POLR2F: variants seen among roughly 807,000 people sequenced by gnomAD.
POLR2F encodes the protein RNA polymerase II, I and III subunit F, also known as DNA-directed RNA polymerases I, II, and III subunit RPABC2.
In POLR2F, 12 loss-of-function variants were observed where a neutral mutation model predicts 22.7. The observed-to-expected ratio is 0.53, with a 90% CI of 0.34 to 0.86. POLR2F has a LOEUF of 0.86. Ranked by LOEUF, POLR2F falls within the 40% of genes least tolerant of loss-of-function variation. The pLI, the probability that POLR2F is intolerant of heterozygous loss-of-function variation, is 0.02. For synonymous variants in POLR2F, 57 were observed against 66.0 expected, an observed-to-expected ratio of 0.86 and a Z score of 0.66; for missense variants, 126 against 171.5, an observed-to-expected ratio of 0.73 and a Z score of 1.48.
chr22:38,032,053 A>G (rs1239340023), intron 5 of POLR2F: 1 of 151,936 alleles, frequency 6.6e-6, no homozygotes, highest in Non-Finnish European at 1.5e-5. Context: ...GTTGGAGTAC[A>G]ATGGCGCGAT....
chr22:38,018,472 G>A (rs2084932832), intron 1 of POLR2F, among the ~76,000 whole-genome samples: 1 of 152,172 alleles, frequency 6.6e-6, no homozygotes, highest in South Asian at 2.1e-4. Context: ...TCGAGCTGAA[G>A]GAGGGGTCAG....
intron 2 of POLR2F, 194 bp downstream of exon 2, chr22:37,957,036 C>T: frequency 3.3e-6 from 2 of 615,044 alleles, no homozygotes; most frequent in Non-Finnish European, 5.9e-6. Flanking sequence ...AAGCTTTTGT[C>T]CATGTGGTCC....
Position 37,968,859 on chromosome 22 carries a change from C to T in POLR2F, c.*1144C>T. 1.0e-6 allele frequency: 1 copy of T among 985,550 alleles called. No homozygotes were observed. Among genetic ancestry groups the T allele is most frequent in the Non-Finnish European group, 1.2e-6 (1 of 830,050 alleles). 61.1% of individuals were successfully genotyped at this position (985,550 alleles called of 1,614,324 possible). A position where few individuals can be genotyped will look rare whatever the true frequency, so the allele number is the denominator to read the frequency against. On this transcript the variant is annotated 3_prime_UTR_variant, in exon 5 of 5. Coordinates refer to ENST00000442738, the MANE Select transcript of POLR2F (RefSeq NM_021974.5). Reference sequence around the variant, plus strand: ...GTGGGGAGTGAATGGTGAGGATCTGCATTGGTGGGAGGGGTGTCCGCTGCC... The same window carrying T: ...GTGGGGAGTGAATGGTGAGGATCTGTATTGGTGGGAGGGGTGTCCGCTGCC...
chr22:38,027,286 G>T (rs1312337699), downstream of POLR2F, among the ~76,000 whole-genome samples: 1 of 152,166 alleles, frequency 6.6e-6, no homozygotes, highest in Non-Finnish European at 1.5e-5. Flanking sequence ...TTCTAGGAAA[G>T]CACGCTGAGT....
intron 1 of POLR2F, 154 bp downstream of exon 1, chr22:37,953,961 C>A: frequency 2.3e-6 from 2 of 888,180 alleles, no homozygotes; most frequent in Non-Finnish European, 3.4e-6. Flanking sequence ...GAAGGGCGGG[C>A]GACCCAGGAG....
chr22:38,034,936 C>T (rs1428172422), intron 5 of POLR2F, among the ~76,000 whole-genome samples: 1 of 149,534 alleles, frequency 6.7e-6, no homozygotes. Flanking sequence ...ACCCCAGCCT[C>T]CCCACCCCAC....
chr22:38,019,327 A>G (rs2084940878), intron 1 of POLR2F, among the ~76,000 whole-genome samples: 1 of 152,036 alleles, frequency 6.6e-6, no homozygotes, highest in Non-Finnish European at 1.5e-5. Context: ...CCATCCCCAC[A>G]TGACTGGCAT....
At chr22:37,987,202 G>A in intron 1 of POLR2F, 2 of 456,296 alleles carry the variant, frequency 4.4e-6, no homozygotes, top group South Asian at 3.1e-5. Flanking sequence ...GTGTAATGGT[G>A]GAAATCCAGG....
At chr22:37,993,602 C>G (rs1601895029) in intron 1 of POLR2F, among the ~76,000 whole-genome samples, 1 of 152,164 alleles carries the variant, frequency 6.6e-6, no homozygotes, top group Admixed American at 6.5e-5. Context: ...TGGCCCTTGC[C>G]CCATTTACCA....
intron 1 of POLR2F, among the ~76,000 whole-genome samples, chr22:37,995,103 T>C (rs1462005481): frequency 2.6e-5 from 4 of 152,192 alleles, no homozygotes; most frequent in Non-Finnish European, 2.9e-5. Flanking sequence ...CTGTGTGATC[T>C]TGGGGAAGCC....
At chr22:37,994,384 G>A (rs548478600) in intron 1 of POLR2F, among the ~76,000 whole-genome samples, 27 of 152,334 alleles carry the variant, frequency 1.8e-4, no homozygotes, top group African/African-American at 5.8e-4. Context: ...GTCTCACTCT[G>A]TGGCCCAGGA....
chr22:38,018,926 G>A (rs2084937311), intron 1 of POLR2F, among the ~76,000 whole-genome samples: 1 of 152,184 alleles, frequency 6.6e-6, no homozygotes, highest in South Asian at 2.1e-4. Context: ...TCGGGCACAT[G>A]AAATCCCCCC....
At chr22:37,974,074 G>A (rs147334218), downstream of POLR2F, 2,504 of 1,614,022 alleles carry the variant, frequency 1.6e-3, 3 homozygotes, top group Admixed American at 2.2e-3. This position sits in a 1 kb window ranked among gnomAD's most constrained non-coding sequence, Gnocchi z 5.4. Context: ...TGTCCACGTT[G>A]CCGAAGTCGA....
downstream of POLR2F, among the ~76,000 whole-genome samples, chr22:38,029,160 T>G (rs1386948312): frequency 7.2e-5 from 11 of 151,988 alleles, no homozygotes; most frequent in Admixed American, 7.2e-4. Context: ...GCTTGCAGCT[T>G]AGGGAAGGAG....
At chr22:37,983,264 C>A (rs1932455947), upstream of POLR2F, 1 of 1,411,344 alleles carries the variant, frequency 7.1e-7, no homozygotes, top group Non-Finnish European at 9.7e-7. The surrounding 1 kb of genome is among the most constrained non-coding windows in gnomAD (Gnocchi z 9.5). Flanking sequence ...CCAGACAGTC[C>A]CGCTCTGAGG....
At chr22:37,985,168 C>T (rs1601888510), upstream of POLR2F, 1 of 152,304 alleles carries the variant, frequency 6.6e-6, no homozygotes, top group African/African-American at 2.4e-5. Context: ...AGCACACGCG[C>T]GTTCTGGTCT....
At chr22:38,020,431 ATTTTTTTTT>A (rs753386178) in intron 1 of POLR2F, among the ~76,000 whole-genome samples, 6 of 128,468 alleles carry the variant, frequency 4.7e-5, no homozygotes, top group African/African-American at 1.8e-4. Context: ...CACCTGGCTA[ATTTTTTTTT>A]TTTTTTTTTT....
intron 1 of POLR2F, among the ~76,000 whole-genome samples, chr22:38,022,583 A>G (rs1016764400): frequency 1.3e-5 from 2 of 151,590 alleles, no homozygotes; most frequent in Middle Eastern, 3.2e-3. Context: ...AAAGAAAGAC[A>G]GAAAAGAATC....
Position 37,967,682 on chromosome 22 carries a change from C to CT in POLR2F, c.352dup (p.Trp118LeufsTer32), listed in dbSNP as rs746215557. 1.2e-6 allele frequency: 2 copies of CT among 1,613,928 alleles called. No individual in the cohort carries two copies. The highest frequency in any genetic ancestry group is 3.3e-5 in the Admixed American group (2 of 59,992). ...ACCTGCCAGATGGGAGCTATGAAGA[C>CT]TGGGGGGTGGACGAGCTCATCATCA... On this transcript the variant is annotated frameshift_variant, in exon 5 of 5. Coordinates refer to ENST00000442738, the MANE Select transcript of POLR2F (RefSeq NM_021974.5). LOFTEE classifies it high-confidence loss of function.
Sources: allele counts gnomAD v4.1 joint callset (sites outside exome capture counted in the v4.1 genomes callset), GRCh38; gene constraint gnomAD v4.1.1; non-coding constraint Gnocchi (gnomAD v3.1); transcripts MANE v1.5; gene names NCBI Gene and HGNC (gene_info 2026-07-23, HGNC 2026-07-21).